Variants in TENM3 observed in about 807,000 individuals in gnomAD.
TENM3 encodes the protein teneurin-3.
In TENM3, 63 loss-of-function variants were observed where a neutral mutation model predicts 255.1. The ratio of observed to expected loss-of-function variants is 0.25; its 90% CI spans 0.20 to 0.30. The LOEUF is 0.30. TENM3 is among the 10% of genes least tolerant of loss of function. The pLI is 1.00. For synonymous variants in TENM3, 1,306 were observed against 1,322.3 expected, an observed-to-expected ratio of 0.99 and a Z score of 0.27; for missense variants, 2,929 against 3,461.1, an observed-to-expected ratio of 0.85 and a Z score of 3.86.
intron 4 of TENM3, among the ~76,000 whole-genome samples, chr4:182,615,912 C>G (rs1403696966): frequency 6.6e-6 from 1 of 152,148 alleles, no homozygotes; most frequent in Non-Finnish European, 1.5e-5. Flanking sequence ...GTTATACAGT[C>G]TTGAAGGGAG....
chr4:181,993,186 G>C, the TENM3 span, among the ~76,000 whole-genome samples: 5 of 152,050 alleles, frequency 3.3e-5, no homozygotes. Flanking sequence ...GAAGTAATCT[G>C]TCTTATCCAG....
At position 182,182,182 on chromosome 4, in the gene TENM3, C is replaced by T. The variant is rs143873492; in HGVS notation, c.-76+37428C>T. 2.0e-5 allele frequency among the ~76,000 whole-genome samples: 3 copies of T among 152,038 alleles called. No homozygotes were observed. In the East Asian group the frequency reaches 5.8e-4, roughly 29 times the overall value. ...TTTCAGACGTGATTTTAACAAAGGG[C>T]GGGGTGTTTTCTGGGATATATCATT... On this transcript the variant is annotated intron_variant, in intron 1 of 2. Coordinates refer to the TENM3 transcript ENST00000512480.
chr4:181,841,764 C>T, the TENM3 span, among the ~76,000 whole-genome samples: 1 of 152,070 alleles, frequency 6.6e-6, no homozygotes, highest in Non-Finnish European at 1.5e-5. Flanking sequence ...GATTTGGGGG[C>T]TTTCTTCTTT....
At chr4:181,625,731 G>A in the TENM3 span, among the ~76,000 whole-genome samples, 75,701 of 151,398 alleles carry the variant, frequency 0.5, 19,570 homozygotes, top group Non-Finnish European at 0.57. Flanking sequence ...GGAGAATGGC[G>A]TGAACCCAGG....
At chr4:181,504,483 C>T in the TENM3 span, among the ~76,000 whole-genome samples, 1 of 152,120 alleles carries the variant, frequency 6.6e-6, no homozygotes, top group Non-Finnish European at 1.5e-5. Context: ...TCCTCCTCCC[C>T]CTCTTTACCT....
rs544813385 is a variant in TENM3, at chr4:182,601,030, C to G, written c.618C>G (p.Asn206Lys). 5.0e-5 allele frequency: 80 copies of G among 1,609,454 alleles called. 1 individual carries two copies. In the South Asian group the frequency reaches 8.1e-4, roughly 16 times the overall value. The part of the protein sequence containing the change: ...HHPSITSLNR[N>K]SLTNRRNQSP... ...CATCCATCACTTCTCTCAACAGAAA[C>G]TCCCTGACCAATAGAAGGAACCAGA... The change falls in exon 4 of 28, where the codon AAC (asparagine) becomes AAG (lysine). Residue 206 changes from asparagine to lysine, a missense_variant. Asn to Lys is a moderately conservative substitution (Grantham distance 94). Coordinates refer to ENST00000511685, the MANE Select transcript of TENM3 (RefSeq NM_001080477.4).
At position 182,754,385 on chromosome 4, in the gene TENM3, G is replaced by T; in HGVS notation, c.4018G>T (p.Val1340Leu). Residue 1340 changes from valine to leucine, a missense_variant and splice_region_variant, in exon 22 of 28, where the codon GTA (valine) becomes TTA (leucine). By Grantham distance (32) the Val-to-Leu change is conservative. This residue lies in a region of TENM3 where 1,608 missense variants were observed against 1,884.4 expected (regional missense o/e 0.85). Transcript: ENST00000511685. The surrounding 1 kb of genome is among the most constrained non-coding windows in gnomAD (Gnocchi z 5.1). ...CCAGGCCATTTCTTTTTTTATTAAGGTACGTCTGGAATGGCCCACTGACCT... is the reference window on the plus strand; with the variant it reads ...CCAGGCCATTTCTTTTTTTATTAAGTTACGTCTGGAATGGCCCACTGACCT... ...TCDTSMHISQ[V>L]RLEWPTDLAI... 6.3e-7 allele frequency: 1 copy of T among 1,585,908 alleles called. No individual in the cohort carries two copies. Among genetic ancestry groups the T allele is most frequent in the South Asian group, 1.2e-5 (1 of 86,712 alleles).
Position 182,180,799 on chromosome 4 carries a change from A to AT in TENM3, c.-76+36053dup, listed in dbSNP as rs576708333. 6.6e-5 allele frequency among the ~76,000 whole-genome samples: 10 copies of AT among 151,448 alleles called. No homozygotes were observed. In the South Asian group the frequency reaches 1.5e-3, roughly 22 times the overall value. ...CCTATTGTCCTTCTTGATAGTAGTC[A>AT]TTTTTTTTCAGAAGTACCTGTAGTA... is the stretch of plus-strand genomic sequence containing the variant. On this transcript the variant is annotated intron_variant, in intron 1 of 2. Transcript: ENST00000512480.
chr4:182,292,403 A>G (rs1025016211), intron 1 of TENM3, among the ~76,000 whole-genome samples: 1 of 152,222 alleles, frequency 6.6e-6, no homozygotes, highest in East Asian at 1.9e-4. Context: ...TCACAGAGTT[A>G]GATTTTTGTC....
chr4:181,491,667 T>C, the TENM3 span, among the ~76,000 whole-genome samples: 1 of 152,264 alleles, frequency 6.6e-6, no homozygotes, highest in Middle Eastern at 3.5e-3. Context: ...TTGAATGATG[T>C]TGAAAAGTAG....
At chr4:182,568,208 C>A (rs1297446170) in intron 3 of TENM3, among the ~76,000 whole-genome samples, 1 of 152,164 alleles carries the variant, frequency 6.6e-6, no homozygotes, top group Non-Finnish European at 1.5e-5. Flanking sequence ...TTGTCTATCA[C>A]CTGGCTTATT....
At chr4:182,271,168 C>T (rs1173545539) in intron 1 of TENM3, among the ~76,000 whole-genome samples, 1 of 152,096 alleles carries the variant, frequency 6.6e-6, no homozygotes, top group Admixed American at 6.5e-5. Context: ...TTATTATAAC[C>T]GATCCTGTTT....
At chr4:182,111,189 CTTTTTTT>C in the TENM3 span, among the ~76,000 whole-genome samples, 13 of 80,536 alleles carry the variant, frequency 1.6e-4, no homozygotes, top group Middle Eastern at 0.026. Flanking sequence ...GTCTTCTTCT[CTTTTTTT>C]TTTTTTTTTT....
the TENM3 span, among the ~76,000 whole-genome samples, chr4:181,836,696 G>A: frequency 6.6e-6 from 1 of 152,162 alleles, no homozygotes; most frequent in African/African-American, 2.4e-5. Context: ...GATAAAGCCA[G>A]TGCCCTCCCA....
At chr4:181,780,080 A>AGT in the TENM3 span, among the ~76,000 whole-genome samples, 1 of 152,234 alleles carries the variant, frequency 6.6e-6, no homozygotes, top group Non-Finnish European at 1.5e-5. Context: ...TATTGGGAAT[A>AGT]GTGCTGCAAT....
the TENM3 span, among the ~76,000 whole-genome samples, chr4:181,676,981 G>A: frequency 3.1e-5 from 4 of 128,898 alleles, no homozygotes; most frequent in South Asian, 2.6e-4. Flanking sequence ...CTATGCTCCC[G>A]ATTTTATCTT....
the TENM3 span, among the ~76,000 whole-genome samples, chr4:181,601,592 C>T: frequency 5.9e-5 from 9 of 152,148 alleles, no homozygotes; most frequent in Non-Finnish European, 1.0e-4. Flanking sequence ...CTTTGGAAAA[C>T]ACTTTACTCA....
chr4:182,617,804 G>C lies in TENM3; in HGVS notation c.750-10847G>C, dbSNP rs149368712. Among the ~76,000 whole-genome samples the C allele has an allele frequency of 3.6e-3, 541 of 152,260 alleles. 4 individuals are homozygous for C. The highest frequency in any genetic ancestry group is 0.012 in the African/African-American group (505 of 41,572). The stretch of plus-strand genomic sequence containing the variant: ...ATTTTATTTAATCAGGTCACTTTTA[G>C]TTTAATGTAAATGATTCTCTTTGTC... On this transcript the variant is annotated intron_variant, in intron 4 of 27. Coordinates refer to ENST00000511685, the MANE Select transcript of TENM3 (RefSeq NM_001080477.4).
intron 19 of TENM3, chr4:182,744,014 T>C (rs781524339): frequency 3.3e-4 from 174 of 527,730 alleles, no homozygotes; most frequent in Non-Finnish European, 4.0e-4. Flanking sequence ...TTCTGCCAAG[T>C]TGGCAATTTT....
Sources: allele counts gnomAD v4.1 joint callset (sites outside exome capture counted in the v4.1 genomes callset), GRCh38; gene constraint gnomAD v4.1.1; regional missense constraint gnomAD v4.1.1; non-coding constraint Gnocchi (gnomAD v3.1); transcripts MANE v1.5; gene names NCBI Gene and HGNC (gene_info 2026-07-23, HGNC 2026-07-21).